Variants in DPP10 observed in about 807,000 individuals in gnomAD.
The protein encoded by DPP10 is inactive dipeptidyl peptidase 10.
Under a neutral mutation model 120.9 loss-of-function variants are expected in DPP10, and 33 were observed. The ratio of observed to expected loss-of-function variants is 0.27; its 90% CI spans 0.21 to 0.37. The LOEUF (loss-of-function observed/expected upper bound fraction) is 0.37. Among genes scored for constraint, DPP10 ranks in the 10% least tolerant of loss-of-function variants. The pLI, the probability that DPP10 is intolerant of heterozygous loss-of-function variation, is 1.00. For missense variants in DPP10, 816 were observed against 942.8 expected, an observed-to-expected ratio of 0.87 and a Z score of 1.76; for synonymous variants, 337 against 326.1, an observed-to-expected ratio of 1.03 and a Z score of -0.36.
chr2:114,881,498 C>CTCTGTCTG (rs70941012), intron 1 of DPP10, among the ~76,000 whole-genome samples: 5 of 149,128 alleles, frequency 3.4e-5, no homozygotes, highest in South Asian at 4.3e-4. Context: ...TATCATATCT[C>CTCTGTCTG]TCTGTCTGTC....
chr2:114,986,809 C>T (rs750567509), intron 1 of DPP10, among the ~76,000 whole-genome samples: 2 of 152,106 alleles, frequency 1.3e-5, no homozygotes, highest in African/African-American at 2.4e-5. Context: ...CTCACTCTGT[C>T]GCCTAGGCTG....
chr2:115,685,906 A>G (rs2149486930), intron 5 of DPP10, among the ~76,000 whole-genome samples: 1 of 152,190 alleles, frequency 6.6e-6, no homozygotes, highest in Non-Finnish European at 1.5e-5. Flanking sequence ...ACAGTAGATT[A>G]TTATCCATAA....
intron 1 of DPP10, among the ~76,000 whole-genome samples, chr2:114,692,968 T>C (rs1699858261): frequency 6.6e-6 from 1 of 152,114 alleles, no homozygotes; most frequent in Non-Finnish European, 1.5e-5. Flanking sequence ...AGTCTATGTG[T>C]GTCTTTGCAC....
At chr2:115,052,389 G>C (rs939410386) in intron 1 of DPP10, among the ~76,000 whole-genome samples, 1 of 152,126 alleles carries the variant, frequency 6.6e-6, no homozygotes, top group Admixed American at 6.5e-5. Flanking sequence ...AGTAAAAAAA[G>C]ACCCATGAAA....
chr2:114,460,177 CTAT>C (rs1678806303), intron 1 of DPP10, among the ~76,000 whole-genome samples: 1 of 21,336 alleles, frequency 4.7e-5, no homozygotes, highest in Non-Finnish European at 1.3e-4. Flanking sequence ...TGATATCTAT[CTAT>C]CTATCTATCT....
intron 8 of DPP10, among the ~76,000 whole-genome samples, chr2:115,736,758 C>T (rs1410339124): frequency 6.6e-6 from 1 of 152,154 alleles, no homozygotes; most frequent in Non-Finnish European, 1.5e-5. Context: ...TCAGCGATGG[C>T]CACTACCATT....
intron 1 of DPP10, among the ~76,000 whole-genome samples, chr2:114,502,779 G>A (rs571002249): frequency 6.6e-5 from 10 of 152,160 alleles, no homozygotes; most frequent in African/African-American, 2.4e-4. Context: ...GACATCCTTG[G>A]GAGGGTTAAA....
intron 4 of DPP10, among the ~76,000 whole-genome samples, chr2:115,514,560 A>G (rs1402474335): frequency 6.6e-6 from 1 of 151,820 alleles, no homozygotes; most frequent in Admixed American, 6.6e-5. Flanking sequence ...TAATGAAAAC[A>G]TATATTGTAA....
chr2:114,647,698 GT>G (rs1368462308), intron 1 of DPP10, among the ~76,000 whole-genome samples: 1 of 151,250 alleles, frequency 6.6e-6, no homozygotes, highest in Non-Finnish European at 1.5e-5. Flanking sequence ...GATTCTGGTT[GT>G]TGGTTGTGGG....
At chr2:114,466,291 C>T (rs1679370028) in intron 1 of DPP10, among the ~76,000 whole-genome samples, 1 of 152,068 alleles carries the variant, frequency 6.6e-6, no homozygotes, top group Non-Finnish European at 1.5e-5. Flanking sequence ...ATAACATAAA[C>T]ATATATGTAT....
At chr2:115,489,155 C>A (rs929085931) in intron 3 of DPP10, among the ~76,000 whole-genome samples, 1 of 152,054 alleles carries the variant, frequency 6.6e-6, no homozygotes, top group Non-Finnish European at 1.5e-5. Flanking sequence ...GCTTTGCGGG[C>A]CATATTTTCT....
chr2:114,768,775 T>A (rs768280078), intron 1 of DPP10, among the ~76,000 whole-genome samples: 11 of 152,194 alleles, frequency 7.2e-5, no homozygotes, highest in Non-Finnish European at 1.0e-4. Flanking sequence ...TCCCAGGATC[T>A]GTCTTAAAGG....
intron 1 of DPP10, among the ~76,000 whole-genome samples, chr2:115,255,746 C>G (rs1377230067): frequency 6.6e-6 from 1 of 152,168 alleles, no homozygotes; most frequent in Non-Finnish European, 1.5e-5. Context: ...ACCTTTGCTT[C>G]CGTTTCCAAC....
At chr2:115,406,900 A>G (rs188099091) in intron 3 of DPP10, among the ~76,000 whole-genome samples, 1 of 152,332 alleles carries the variant, frequency 6.6e-6, no homozygotes, top group African/African-American at 2.4e-5. Flanking sequence ...AAGTAAAGAT[A>G]CAACAAACAT....
At chr2:114,555,517 T>C (rs977870818) in intron 1 of DPP10, among the ~76,000 whole-genome samples, 1 of 152,186 alleles carries the variant, frequency 6.6e-6, no homozygotes, top group Non-Finnish European at 1.5e-5. Flanking sequence ...CCTGCATGAT[T>C]GGGAAAGTCT....
intron 4 of DPP10, among the ~76,000 whole-genome samples, chr2:115,517,768 T>C (rs1458405261): frequency 6.6e-6 from 1 of 152,160 alleles, no homozygotes; most frequent in Admixed American, 6.5e-5. Flanking sequence ...AAGGATAGAG[T>C]AGATATCTGT....
intron 1 of DPP10, among the ~76,000 whole-genome samples, chr2:114,572,593 A>G (rs1689743539): frequency 1.3e-5 from 2 of 152,358 alleles, no homozygotes; most frequent in South Asian, 4.1e-4. Flanking sequence ...GACATGTGCT[A>G]AATGAGAACT....
chr2:114,730,340 G>T (rs887937702), intron 1 of DPP10, among the ~76,000 whole-genome samples: 2 of 152,158 alleles, frequency 1.3e-5, no homozygotes, highest in Admixed American at 1.3e-4. Flanking sequence ...AGACCACAGA[G>T]GGCAAGACCA....
intron 1 of DPP10, among the ~76,000 whole-genome samples, chr2:115,104,782 T>C (rs962038801): frequency 6.6e-6 from 1 of 152,024 alleles, no homozygotes; most frequent in Admixed American, 6.6e-5. Flanking sequence ...CCGAGGCGGG[T>C]GGATCACGAG....
Sources: allele counts gnomAD v4.1 joint callset (sites outside exome capture counted in the v4.1 genomes callset), GRCh38; gene constraint gnomAD v4.1.1; transcripts MANE v1.5; gene names NCBI Gene and HGNC (gene_info 2026-07-23, HGNC 2026-07-21).